DTNA: variants seen among roughly 807,000 people sequenced by gnomAD.
The protein encoded by DTNA is dystrophin-related protein 3.
Under a neutral mutation model 100.7 loss-of-function variants are expected in DTNA, and 43 were observed. That is an observed-to-expected ratio of 0.43 (90% CI 0.33 to 0.55). The LOEUF (loss-of-function observed/expected upper bound fraction) is 0.55, where lower values mean the gene tolerates loss of function less well. DTNA is among the 20% of genes least tolerant of loss of function. The pLI is 0.04. For synonymous variants in DTNA, 349 were observed against 347.9 expected, an observed-to-expected ratio of 1.00 and a Z score of -0.04; for missense variants, 798 against 953.9, an observed-to-expected ratio of 0.84 and a Z score of 2.15.
intron 11 of DTNA, among the ~76,000 whole-genome samples, chr18:34,834,410 G>A (rs1411963514): frequency 6.6e-6 from 1 of 151,922 alleles, no homozygotes; most frequent in East Asian, 1.9e-4. Context: ...GGCTGAGACA[G>A]AAGAATCGCT....
rs9951233 is a variant in DTNA, at chr18:34,645,924, T to C, written c.-1-110052T>C. On this transcript the variant is annotated intron_variant, in intron 1 of 19. Transcript: ENST00000283365. The stretch of plus-strand genomic sequence containing the variant: ...ACATCTCCATCACCTATTCTCCTAA[T>C]CTAATCTAGAAATCAAGAAACAGAG... Among the ~76,000 whole-genome samples, 993 of 152,282 alleles carry C rather than the reference T, an allele frequency of 6.5e-3. 8 individuals carry two copies. The highest frequency in any genetic ancestry group is 0.023 in the African/African-American group (949 of 41,554).
intron 1 of DTNA, among the ~76,000 whole-genome samples, chr18:34,724,838 A>G (rs905260761): frequency 6.6e-6 from 1 of 152,212 alleles, no homozygotes; most frequent in African/African-American, 2.4e-5. Flanking sequence ...AAACTATACT[A>G]TAAGGCTACA....
chr18:34,720,377 G>A (rs2085027485), intron 1 of DTNA, among the ~76,000 whole-genome samples: 3 of 152,176 alleles, frequency 2.0e-5, no homozygotes, highest in African/African-American at 7.2e-5. Context: ...AAACATTGTA[G>A]ATACAGGCAA....
rs2149446936 is a variant in DTNA at position 34,820,790 on chromosome 18, G to T, written c.877-1G>T. 1 of 1,614,038 alleles carries T rather than the reference G, an allele frequency of 6.2e-7. No homozygotes were observed. The highest frequency in any genetic ancestry group is 1.1e-5 in the South Asian group (1 of 91,074). ...ACTTCTGCCTTCCTTCTTCTTTCCA[G>T]AAATCACCTGCTAAGAAGCTGACTA... On this transcript the variant is annotated splice_acceptor_variant, in intron 8 of 22. Coordinates refer to ENST00000444659, the MANE Select transcript of DTNA (RefSeq NM_001386795.1). LOFTEE classifies it high-confidence loss of function.
intron 3 of DTNA, among the ~76,000 whole-genome samples, chr18:34,791,749 G>C (rs1011408958): frequency 6.6e-6 from 1 of 152,100 alleles, no homozygotes; most frequent in Non-Finnish European, 1.5e-5. Context: ...GAGATATATT[G>C]CAATATATTT....
At chr18:34,504,390 G>A (rs1259778648) in intron 1 of DTNA, among the ~76,000 whole-genome samples, 1 of 152,138 alleles carries the variant, frequency 6.6e-6, no homozygotes, top group East Asian at 1.9e-4. Flanking sequence ...AAGCAAAGAA[G>A]GAAGGTCTGT....
chr18:34,829,791 A>G (rs984463770), intron 11 of DTNA, among the ~76,000 whole-genome samples: 1 of 152,212 alleles, frequency 6.6e-6, no homozygotes, highest in Non-Finnish European at 1.5e-5. Context: ...TACAATTTGC[A>G]AAAAACCCAG....
intron 1 of DTNA, among the ~76,000 whole-genome samples, chr18:34,580,017 T>C (rs973232398): frequency 2.6e-5 from 4 of 152,172 alleles, no homozygotes; most frequent in African/African-American, 9.7e-5. Flanking sequence ...CTCTTTTTTT[T>C]TCTCTAGTGT....
At chr18:34,759,350 G>A (rs2092988609) in intron 2 of DTNA, among the ~76,000 whole-genome samples, 1 of 152,164 alleles carries the variant, frequency 6.6e-6, no homozygotes, top group Non-Finnish European at 1.5e-5. Flanking sequence ...CATTTACTTA[G>A]CCTTATATGG....
At chr18:34,706,600 G>A (rs992237129), upstream of DTNA, among the ~76,000 whole-genome samples, 2 of 152,082 alleles carry the variant, frequency 1.3e-5, no homozygotes, top group African/African-American at 4.8e-5. Flanking sequence ...AAGATATGGA[G>A]CCATCAATTT....
chr18:34,885,157 G>A (rs1325611961), intron 22 of DTNA, among the ~76,000 whole-genome samples: 3 of 152,176 alleles, frequency 2.0e-5, no homozygotes, highest in Non-Finnish European at 4.4e-5. Flanking sequence ...AGTACCTCTA[G>A]AGATGGGCCA....
intron 1 of DTNA, among the ~76,000 whole-genome samples, chr18:34,640,708 C>T (rs1324111021): frequency 1.3e-5 from 2 of 152,168 alleles, no homozygotes. Flanking sequence ...GAACCTAAGC[C>T]CAGCTAAATT....
At chr18:34,702,830 G>T (rs1364450954) in intron 1 of DTNA, among the ~76,000 whole-genome samples, 1 of 152,012 alleles carries the variant, frequency 6.6e-6, no homozygotes. Flanking sequence ...GAACTCTGTA[G>T]CCTTCCTTAG....
chr18:34,574,932 C>T lies in DTNA; in HGVS notation c.-2+81418C>T, dbSNP rs17667294. 6.0e-4 allele frequency among the ~76,000 whole-genome samples: 91 copies of T among 152,296 alleles called. 1 individual carries two copies. The East Asian group carries it at 0.013, about 22-fold the overall frequency. On this transcript the variant is annotated intron_variant, in intron 1 of 19. Transcript: ENST00000283365. ...TTCAAGTTTCAATTATCTCTAGTTA[C>T]TTTATTGTTCATGAGAAATGCCTGT...
intron 1 of DTNA, among the ~76,000 whole-genome samples, chr18:34,520,296 G>T (rs570009871): frequency 3.3e-5 from 5 of 152,280 alleles, no homozygotes; most frequent in Non-Finnish European, 5.9e-5. Context: ...AATAGATTCT[G>T]GGATGGATCC....
intron 1 of DTNA, among the ~76,000 whole-genome samples, chr18:34,522,880 T>G (rs2042280111): frequency 6.6e-6 from 1 of 152,252 alleles, no homozygotes; most frequent in South Asian, 2.1e-4. Context: ...AGAGCACGCA[T>G]GTCTGTTCTG....
chr18:34,813,191 C>G (rs1602496585), intron 6 of DTNA, among the ~76,000 whole-genome samples: 1 of 152,256 alleles, frequency 6.6e-6, no homozygotes, highest in East Asian at 1.9e-4. Context: ...AAAAATGCCT[C>G]TTGACTGGGT....
At chr18:34,573,173 T>TTTCCTTTA (rs1259568709) in intron 1 of DTNA, among the ~76,000 whole-genome samples, 1 of 152,224 alleles carries the variant, frequency 6.6e-6, no homozygotes, top group African/African-American at 2.4e-5. Flanking sequence ...ATATTTCTGC[T>TTTCCTTTA]TTCCTTTATT....
At chr18:34,807,045 A>G (rs11665306) in intron 5 of DTNA, among the ~76,000 whole-genome samples, 26,750 of 152,148 alleles carry the variant, frequency 0.18, 3,288 homozygotes, top group African/African-American at 0.35. Context: ...ATTTTAGCAT[A>G]CATCAGAATC....
Sources: gnomAD v4.1 joint callset for allele counts (sites outside exome capture counted in the v4.1 genomes callset) on GRCh38, gnomAD v4.1.1 for gene constraint, MANE v1.5 for transcripts, NCBI Gene and HGNC (gene_info 2026-07-23, HGNC 2026-07-21) for gene names.